HS6ST3: variants seen among roughly 807,000 people sequenced by gnomAD.
HS6ST3 encodes heparan-sulfate 6-O-sulfotransferase 3.
HS6ST3 carries 12 observed loss-of-function variants against 36.7 expected under a neutral mutation model. The observed-to-expected ratio is 0.33, with a 90% CI of 0.21 to 0.53. HS6ST3 has a LOEUF of 0.53. Ranked by LOEUF, HS6ST3 falls within the 20% of genes least tolerant of loss-of-function variation. The pLI, the probability that HS6ST3 is intolerant of heterozygous loss-of-function variation, is 0.95. For missense variants in HS6ST3, 584 were observed against 640.9 expected (o/e 0.91, Z 0.96); for synonymous variants, 240 against 257.5 (o/e 0.93, Z 0.65).
At chr13:96,673,795 G>A (rs1359057937) in intron 1 of HS6ST3, among the ~76,000 whole-genome samples, 1 of 151,946 alleles carries the variant, frequency 6.6e-6, no homozygotes, top group African/African-American at 2.4e-5. Context: ...TCTTCCTTAT[G>A]CCATCTCAAT....
At chr13:96,260,088 A>G (rs893108032) in intron 1 of HS6ST3, among the ~76,000 whole-genome samples, 3 of 152,232 alleles carry the variant, frequency 2.0e-5, no homozygotes, top group Admixed American at 6.5e-5. Context: ...ACTGTCAAAA[A>G]TAATGAAAGC....
At chr13:96,357,821 C>T (rs552759896) in intron 1 of HS6ST3, among the ~76,000 whole-genome samples, 49 of 152,250 alleles carry the variant, frequency 3.2e-4, no homozygotes, top group African/African-American at 1.0e-3. Flanking sequence ...TGCAGCTGGC[C>T]AAGTTCACCA....
chr13:96,570,445 CAG>C (rs1566399879), intron 1 of HS6ST3, among the ~76,000 whole-genome samples: 2 of 152,186 alleles, frequency 1.3e-5, no homozygotes, highest in Non-Finnish European at 2.9e-5. Context: ...ATTGAAATCT[CAG>C]GGTGTTGCAC....
intron 1 of HS6ST3, among the ~76,000 whole-genome samples, chr13:96,764,729 C>T (rs924140107): frequency 6.6e-6 from 1 of 152,164 alleles, no homozygotes; most frequent in South Asian, 2.1e-4. Context: ...CCCCGGCGAT[C>T]TTTTTGTGCC....
At chr13:96,251,167 C>T (rs1826937936) in intron 1 of HS6ST3, among the ~76,000 whole-genome samples, 1 of 152,078 alleles carries the variant, frequency 6.6e-6, no homozygotes, top group South Asian at 2.1e-4. Flanking sequence ...GGTGTTAATT[C>T]TTCTTTAGGT....
chr13:96,221,849 A>T (rs1304362206), intron 1 of HS6ST3, among the ~76,000 whole-genome samples: 1 of 152,248 alleles, frequency 6.6e-6, no homozygotes, highest in Non-Finnish European at 1.5e-5. Flanking sequence ...ACATAGCCTT[A>T]CATTAGGTCA....
chr13:96,529,361 T>G (rs932367973), intron 1 of HS6ST3, among the ~76,000 whole-genome samples: 1 of 152,106 alleles, frequency 6.6e-6, no homozygotes, highest in Non-Finnish European at 1.5e-5. Context: ...AGAGATGAAG[T>G]CTTGAATCAG....
rs1006966364 is a variant in HS6ST3, at chr13:96,539,824, G to A, written c.708-292666G>A. 6.6e-5 allele frequency among the ~76,000 whole-genome samples: 10 copies of A among 152,286 alleles called. No homozygotes were observed. In the East Asian group the frequency reaches 1.5e-3, roughly 23 times the overall value. On this transcript the variant is annotated intron_variant, in intron 1 of 1. Coordinates refer to ENST00000376705, the MANE Select transcript of HS6ST3 (RefSeq NM_153456.4). Reference sequence around the variant, plus strand: ...CAGAAAGCCACGGTGGCTTCCTTTTGTATTTGGACACATCCGCTTGTTCTA... The same window carrying A: ...CAGAAAGCCACGGTGGCTTCCTTTTATATTTGGACACATCCGCTTGTTCTA...
chr13:96,525,524 G>A (rs1321819341), intron 1 of HS6ST3, among the ~76,000 whole-genome samples: 2 of 151,988 alleles, frequency 1.3e-5, no homozygotes, highest in East Asian at 1.9e-4. Context: ...AACTGTGGAC[G>A]TTTTCCTGAT....
At chr13:96,118,643 AAGATATATATAT>A (rs2053905151) in intron 1 of HS6ST3, among the ~76,000 whole-genome samples, 1 of 67,984 alleles carries the variant, frequency 1.5e-5, no homozygotes, top group Non-Finnish European at 2.8e-5. Flanking sequence ...AAGAACATTA[AAGATATATATAT>A]ATATATATAT....
At chr13:96,582,532 T>C (rs536866905) in intron 1 of HS6ST3, among the ~76,000 whole-genome samples, 1 of 152,280 alleles carries the variant, frequency 6.6e-6, no homozygotes, top group Non-Finnish European at 1.5e-5. Flanking sequence ...TACGGGACAA[T>C]GAGAACCATT....
At chr13:96,584,082 TTATGAC>T (rs1193461067) in intron 1 of HS6ST3, among the ~76,000 whole-genome samples, 1 of 152,202 alleles carries the variant, frequency 6.6e-6, no homozygotes, top group Admixed American at 6.6e-5. Flanking sequence ...TTCACAGCAC[TTATGAC>T]TATCTGCATT....
intron 1 of HS6ST3, among the ~76,000 whole-genome samples, chr13:96,754,286 A>C (rs1876771445): frequency 3.9e-5 from 6 of 152,170 alleles, no homozygotes; most frequent in Non-Finnish European, 8.8e-5. Context: ...CTAATCTATT[A>C]ACATGGTGAA....
intron 1 of HS6ST3, among the ~76,000 whole-genome samples, chr13:96,360,909 G>T (rs920745934): frequency 1.6e-4 from 23 of 144,170 alleles, no homozygotes; most frequent in Non-Finnish European, 3.1e-4. Context: ...TCTTGCCACT[G>T]TACTCCAGCC....
At chr13:96,096,097 T>G (rs2053789524) in intron 1 of HS6ST3, among the ~76,000 whole-genome samples, 1 of 152,130 alleles carries the variant, frequency 6.6e-6, no homozygotes, top group African/African-American at 2.4e-5. Context: ...TTGCAGCATC[T>G]GGAAACCATG....
At chr13:96,380,531 G>T (rs1046562351) in intron 1 of HS6ST3, among the ~76,000 whole-genome samples, 3 of 152,072 alleles carry the variant, frequency 2.0e-5, no homozygotes, top group Non-Finnish European at 4.4e-5. Context: ...CTCCCAAAGG[G>T]CTGGGATTAC....
intron 1 of HS6ST3, among the ~76,000 whole-genome samples, chr13:96,121,393 G>A (rs2053924766): frequency 6.6e-6 from 1 of 152,212 alleles, no homozygotes; most frequent in African/African-American, 2.4e-5. Flanking sequence ...CCTGAGAGGT[G>A]TGGACTAGCG....
chr13:96,735,551 C>T lies in HS6ST3; in HGVS notation c.708-96939C>T, dbSNP rs573527372. On this transcript the variant is annotated intron_variant, in intron 1 of 1. Coordinates refer to ENST00000376705, the MANE Select transcript of HS6ST3 (RefSeq NM_153456.4). The stretch of plus-strand genomic sequence containing the variant: ...GTATATTGGATCAGAAAACAGAGTG[C>T]CATATCCTAAGGAACAAACAATGAA... Among the ~76,000 whole-genome samples, 171 of 152,198 alleles carry T rather than the reference C, an allele frequency of 1.1e-3. 1 individual carries two copies. Among genetic ancestry groups the T allele is most frequent in the African/African-American group, 3.5e-3 (146 of 41,530 alleles).
At chr13:96,129,059 C>T (rs2053964591) in intron 1 of HS6ST3, among the ~76,000 whole-genome samples, 1 of 152,112 alleles carries the variant, frequency 6.6e-6, no homozygotes, top group Admixed American at 6.6e-5. Flanking sequence ...GTTGGCCAGC[C>T]TCATCTCCAA....
Sources: gnomAD v4.1 joint callset for allele counts (sites outside exome capture counted in the v4.1 genomes callset) on GRCh38, gnomAD v4.1.1 for gene constraint, MANE v1.5 for transcripts, NCBI Gene and HGNC (gene_info 2026-07-23, HGNC 2026-07-21) for gene names.